Variants in TNRC6B observed in about 807,000 individuals in gnomAD.
The protein encoded by TNRC6B is trinucleotide repeat containing adaptor 6B.
A neutral mutation model predicts 203.6 loss-of-function variants in TNRC6B; 52 were observed. The ratio of observed to expected loss-of-function variants is 0.26; its 90% confidence interval spans 0.20 to 0.32. The LOEUF (loss-of-function observed/expected upper bound fraction) is 0.32. TNRC6B is among the 10% of genes least tolerant of loss of function. The pLI is 1.00. For missense variants in TNRC6B, 1,923 were observed against 2,286.2 expected (o/e 0.84, Z 3.24); for synonymous variants, 838 against 845.7 (o/e 0.99, Z 0.16).
chr22:40,060,498 A>G (rs186964288), intron 1 of TNRC6B, among the ~76,000 whole-genome samples: 27 of 152,300 alleles, frequency 1.8e-4, no homozygotes, highest in African/African-American at 5.5e-4. Context: ...AAGTTTCTAC[A>G]TATCTTTCTG....
intron 1 of TNRC6B, among the ~76,000 whole-genome samples, chr22:40,107,533 A>AG (rs1327095889): frequency 1.3e-5 from 2 of 152,160 alleles, no homozygotes; most frequent in Non-Finnish European, 2.9e-5. Flanking sequence ...AGACTGAAAA[A>AG]CTATATAGAT....
chr22:40,272,947 C>T (rs118152422), intron 6 of TNRC6B, among the ~76,000 whole-genome samples: 3,140 of 152,224 alleles, frequency 0.021, 48 homozygotes, highest in Non-Finnish European at 0.034. Context: ...ATGTTCTGTT[C>T]GTCTCTGCTT....
At chr22:40,307,957 G>A (rs1039512076) in intron 15 of TNRC6B, among the ~76,000 whole-genome samples, 3 of 151,730 alleles carry the variant, frequency 2.0e-5, no homozygotes, top group Non-Finnish European at 4.4e-5. Flanking sequence ...ACCACTCTCC[G>A]CCTCACTTCA....
At chr22:40,178,198 C>A (rs2069087922) in intron 1 of TNRC6B, 58 bp downstream of exon 1, 3 of 1,584,776 alleles carry the variant, frequency 1.9e-6, no homozygotes, top group African/African-American at 1.4e-5. Flanking sequence ...CTTGTCTAAC[C>A]GTTTTCACTG....
chr22:40,188,846 T>C (rs1408321677), intron 1 of TNRC6B, among the ~76,000 whole-genome samples: 1 of 152,200 alleles, frequency 6.6e-6, no homozygotes, highest in Non-Finnish European at 1.5e-5. Flanking sequence ...AATAAGTGTA[T>C]GTAGTCAGAT....
At position 40,073,154 on chromosome 22, in the gene TNRC6B, T is replaced by G. The variant is rs981473096; in HGVS notation, c.-121+28156T>G. On this transcript the variant is annotated intron_variant, in intron 1 of 23. Coordinates refer to the TNRC6B transcript ENST00000301923. Reference sequence around the variant, plus strand: ...CATAGGGCCTTGGTTTTTTTTTTTTTTTTTTTTTTTCCAATCCTTATATTT... The same window carrying G: ...CATAGGGCCTTGGTTTTTTTTTTTTGTTTTTTTTTTCCAATCCTTATATTT... Among the ~76,000 whole-genome samples the G allele has an allele frequency of 7.9e-5, 12 of 150,962 alleles. No individual in the cohort carries two copies. In the South Asian group the frequency reaches 1.0e-3, roughly 13 times the overall value.
chr22:40,100,775 A>C (rs1475300068), intron 1 of TNRC6B, among the ~76,000 whole-genome samples: 1 of 152,142 alleles, frequency 6.6e-6, no homozygotes, highest in Non-Finnish European at 1.5e-5. Context: ...ATACTGAGGG[A>C]TGAGTGTATT....
chr22:40,170,969 A>G (rs2068988671), intron 4 of TNRC6B, among the ~76,000 whole-genome samples: 1 of 147,050 alleles, frequency 6.8e-6, no homozygotes, highest in African/African-American at 2.5e-5. Flanking sequence ...ACACACATAT[A>G]CCTGTATATG....
At chr22:40,169,133 T>C (rs1048919446) in intron 4 of TNRC6B, among the ~76,000 whole-genome samples, 5 of 145,762 alleles carry the variant, frequency 3.4e-5, no homozygotes, top group African/African-American at 5.1e-5. Context: ...GAATCTTCTT[T>C]TTTTTTTTTT....
chr22:40,050,675 T>C (rs1476650120), intron 1 of TNRC6B, among the ~76,000 whole-genome samples: 2 of 152,156 alleles, frequency 1.3e-5, no homozygotes, highest in Admixed American at 6.5e-5. Flanking sequence ...TTCAGGACCA[T>C]GTCTGTTTTG....
rs1037665812 is a variant in TNRC6B at position 40,328,212 on chromosome 22, A to G, written c.*4971A>G. 1 of 152,212 alleles carries G rather than the reference A, an allele frequency of 6.6e-6. No individual in the cohort carries two copies. Among genetic ancestry groups the G allele is most frequent in the South Asian group, 2.1e-4 (1 of 4,834 alleles). 9.4% of individuals were successfully genotyped at this position (152,212 alleles called of 1,614,324 possible). A position where few individuals can be genotyped will look rare whatever the true frequency, so the allele number is the denominator to read the frequency against. On this transcript the variant is annotated 3_prime_UTR_variant, in exon 23 of 23. Coordinates refer to ENST00000454349, the MANE Select transcript of TNRC6B (RefSeq NM_001162501.2). ...TTAAGGTTCCAAACCAAATTATTTA[A>G]TCAGTGTCCCCCCAATAAATCACTT... is the stretch of plus-strand genomic sequence containing the variant.
At chr22:40,142,419 C>T (rs181367284) in intron 3 of TNRC6B, among the ~76,000 whole-genome samples, 2 of 152,060 alleles carry the variant, frequency 1.3e-5, no homozygotes, top group African/African-American at 4.8e-5. Flanking sequence ...GCTTAGGCAT[C>T]TTTGCTTTAA....
intron 1 of TNRC6B, among the ~76,000 whole-genome samples, chr22:40,048,811 C>G (rs1006058477): frequency 2.6e-5 from 4 of 151,228 alleles, no homozygotes; most frequent in Non-Finnish European, 5.9e-5. Flanking sequence ...TTTCTTTTTC[C>G]TTCCTTCCTT....
intron 11 of TNRC6B, among the ~76,000 whole-genome samples, chr22:40,284,413 G>A (rs1323757083): frequency 6.6e-6 from 1 of 152,126 alleles, no homozygotes; most frequent in Admixed American, 6.5e-5. Flanking sequence ...TGATTCCAGG[G>A]TTATGATAAT....
At chr22:40,196,948 G>A (rs1199593083) in intron 1 of TNRC6B, among the ~76,000 whole-genome samples, 1 of 152,016 alleles carries the variant, frequency 6.6e-6, no homozygotes, top group South Asian at 2.1e-4. Flanking sequence ...ATCTTCATAA[G>A]AAAAAAGGAG....
chr22:40,268,063 T>C (rs2070505516), intron 5 of TNRC6B, among the ~76,000 whole-genome samples: 1 of 152,174 alleles, frequency 6.6e-6, no homozygotes, highest in Non-Finnish European at 1.5e-5. Context: ...CTTTCAGTCT[T>C]TTTTTAGTTA....
chr22:40,050,912 C>T (rs1228425976), intron 1 of TNRC6B, among the ~76,000 whole-genome samples: 1 of 151,452 alleles, frequency 6.6e-6, no homozygotes, highest in African/African-American at 2.4e-5. Context: ...GCAACGTCTG[C>T]CTCCTGGGTT....
At chr22:40,190,707 G>A (rs1447646303) in intron 1 of TNRC6B, among the ~76,000 whole-genome samples, 2 of 152,168 alleles carry the variant, frequency 1.3e-5, no homozygotes, top group Non-Finnish European at 2.9e-5. Context: ...AGCTGGTTGT[G>A]GGAGTGGCTG....
At chr22:40,206,046 T>C (rs2069473414) in intron 1 of TNRC6B, among the ~76,000 whole-genome samples, 1 of 152,364 alleles carries the variant, frequency 6.6e-6, no homozygotes, top group Admixed American at 6.5e-5. Flanking sequence ...TTCTCAACTG[T>C]ACAGTGAGCT....
Sources: allele counts gnomAD v4.1 joint callset (sites outside exome capture counted in the v4.1 genomes callset), GRCh38; gene constraint gnomAD v4.1.1; transcripts MANE v1.5; gene names NCBI Gene and HGNC (gene_info 2026-07-23, HGNC 2026-07-21).